ACAP2: variants seen among roughly 807,000 people sequenced by gnomAD.
ACAP2 encodes the protein ArfGAP with coiled-coil, ankyrin repeat and PH domains 2.
Under a neutral mutation model 115.8 loss-of-function variants are expected in ACAP2, and 39 were observed. The ratio of observed to expected loss-of-function variants is 0.34; its 90% CI spans 0.26 to 0.44. The LOEUF (loss-of-function observed/expected upper bound fraction) is 0.44. Ranked by LOEUF, ACAP2 falls within the 20% of genes least tolerant of loss-of-function variation. The pLI is 1.00. For missense variants in ACAP2, 662 were observed against 927.6 expected (o/e 0.71, Z 3.72); for synonymous variants, 289 against 315.8 (o/e 0.92, Z 0.90).
Position 195,345,285 on chromosome 3 carries a change from C to G in ACAP2, c.318G>C (p.Lys106Asn). Reference protein sequence around the residue: ...ILFDQTQRSIKAQLQNFVKED... With the variant: ...ILFDQTQRSINAQLQNFVKED... ...CTTTAACAAAGTTCTGAAGCTGTGC[C>G]TTAATTGATCTCTGAGTTTGGTCAA... The change falls in exon 5 of 23, where the codon AAG becomes AAC. Residue 106 changes from lysine (K) to asparagine (N), a missense_variant. Lys to Asn is a moderately conservative substitution (Grantham distance 94). Coordinates refer to ENST00000326793, the MANE Select transcript of ACAP2 (RefSeq NM_012287.6). 6.2e-7 allele frequency: 1 copy of G among 1,611,688 alleles called. No homozygotes were observed. Among genetic ancestry groups the G allele is most frequent in the East Asian group, 2.2e-5 (1 of 44,704 alleles).
At chr3:195,318,739 G>C (rs113316769) in intron 10 of ACAP2, among the ~76,000 whole-genome samples, 5 of 152,310 alleles carry the variant, frequency 3.3e-5, no homozygotes, top group African/African-American at 1.2e-4. Flanking sequence ...GTTTAAAAGG[G>C]AAGCAGAGCA....
chr3:195,305,675 C>T (rs993316866), intron 13 of ACAP2, among the ~76,000 whole-genome samples: 4 of 152,104 alleles, frequency 2.6e-5, no homozygotes, highest in Admixed American at 2.0e-4. Flanking sequence ...TAGAGACAGA[C>T]GTATTGAGGG....
intron 7 of ACAP2, 60 bp downstream of exon 7, chr3:195,336,872 A>C: frequency 7.4e-7 from 1 of 1,354,120 alleles, no homozygotes; most frequent in Non-Finnish European, 1.0e-6. Context: ...TCAACACCTA[A>C]ATACGTACAT....
At chr3:195,426,315 C>G (rs1018579946) in intron 1 of ACAP2, among the ~76,000 whole-genome samples, 2 of 152,162 alleles carry the variant, frequency 1.3e-5, no homozygotes, top group Non-Finnish European at 2.9e-5. Flanking sequence ...AACAGGAAGA[C>G]AGGCAAACAT....
At chr3:195,344,811 G>A (rs1250448787) in intron 5 of ACAP2, among the ~76,000 whole-genome samples, 1 of 152,098 alleles carries the variant, frequency 6.6e-6, no homozygotes, top group Non-Finnish European at 1.5e-5. Context: ...GAGCCACTGC[G>A]CCCCGGCCCA....
chr3:195,376,736 T>C (rs1733571733), intron 4 of ACAP2, among the ~76,000 whole-genome samples: 1 of 152,210 alleles, frequency 6.6e-6, no homozygotes, highest in Non-Finnish European at 1.5e-5. Context: ...ACGTGGCTAA[T>C]AACACAAATG....
At chr3:195,343,380 T>C (rs1730997342) in intron 5 of ACAP2, among the ~76,000 whole-genome samples, 1 of 152,112 alleles carries the variant, frequency 6.6e-6, no homozygotes, top group Admixed American at 6.5e-5. Flanking sequence ...TCGAGAAAAA[T>C]CCTAGAAATC....
chr3:195,345,875 G>T (rs1463330431), intron 4 of ACAP2, among the ~76,000 whole-genome samples: 1 of 152,112 alleles, frequency 6.6e-6, no homozygotes, highest in African/African-American at 2.4e-5. Flanking sequence ...ATAGTATTTT[G>T]CCCAACTTAA....
chr3:195,322,901 T>A (rs1729541686), intron 9 of ACAP2, among the ~76,000 whole-genome samples: 1 of 152,338 alleles, frequency 6.6e-6, no homozygotes, highest in South Asian at 2.1e-4. Context: ...GTACTTAAAA[T>A]GTGACAGATT....
At chr3:195,317,696 G>A (rs1729185971) in intron 10 of ACAP2, among the ~76,000 whole-genome samples, 1 of 152,052 alleles carries the variant, frequency 6.6e-6, no homozygotes, top group South Asian at 2.1e-4. Context: ...ATAAAAATTT[G>A]TTTAGCAACA....
At chr3:195,381,795 T>C in intron 3 of ACAP2, 108 bp downstream of exon 3, 6 of 1,326,004 alleles carry the variant, frequency 4.5e-6, no homozygotes, top group Non-Finnish European at 6.2e-6. Context: ...TTTCTACTTC[T>C]AATTTTAAGT....
At chr3:195,321,608 T>C (rs1729459176) in intron 9 of ACAP2, among the ~76,000 whole-genome samples, 1 of 109,648 alleles carries the variant, frequency 9.1e-6, no homozygotes. Flanking sequence ...CCATGGTAGT[T>C]CCTTTTTTTT....
intron 1 of ACAP2, among the ~76,000 whole-genome samples, chr3:195,434,796 T>C (rs1715407779): frequency 6.6e-6 from 1 of 152,266 alleles, no homozygotes; most frequent in South Asian, 2.1e-4. Flanking sequence ...TCAGATTTTC[T>C]GTTTCTTCTT....
chr3:195,291,894 G>T, intron 19 of ACAP2, 79 bp from the exon 20 acceptor site: 2 of 1,237,744 alleles, frequency 1.6e-6, no homozygotes, highest in Non-Finnish European at 2.2e-6. Context: ...AAAAACAATT[G>T]GTTTTCGTTA....
chr3:195,289,773 T>C (rs1464153095), intron 20 of ACAP2, among the ~76,000 whole-genome samples: 8 of 135,256 alleles, frequency 5.9e-5, no homozygotes, highest in Non-Finnish European at 1.2e-4. Flanking sequence ...ACCACTGCAC[T>C]CCAGCCTGGG....
chr3:195,301,683 C>A, intron 14 of ACAP2, 39 bp from the exon 15 acceptor site: 1 of 1,564,748 alleles, frequency 6.4e-7, no homozygotes, highest in South Asian at 1.2e-5. Context: ...TATCAAGTCT[C>A]TGTTTGCGTA....
At chr3:195,288,275 C>A (rs1311104742) in intron 21 of ACAP2, among the ~76,000 whole-genome samples, 2 of 152,182 alleles carry the variant, frequency 1.3e-5, no homozygotes, top group African/African-American at 4.8e-5. Flanking sequence ...GGCTTGGCTT[C>A]TTTTTCTATA....
At position 195,392,102 on chromosome 3, in the gene ACAP2, T is replaced by C; in HGVS notation, c.99A>G (p.Leu33=). The change falls in exon 2 of 23, where the codon CTA becomes CTG. Residue 33 remains leucine, a synonymous_variant. Transcript: ENST00000326793. ...EVEGDVAELE[L]KLDKLVKLCI... is the part of the protein sequence containing the mutation. ...TTGTAAAATTTACCTTATCAAGTTT[T>C]AGTTCCAATTCTGCCACATCACCTT... 4 of 1,612,722 alleles carry C rather than the reference T, an allele frequency of 2.5e-6. No individual in the cohort carries two copies. Among genetic ancestry groups the C allele is most frequent in the Non-Finnish European group, 2.5e-6 (3 of 1,179,462 alleles).
At chr3:195,303,290 T>A (rs1419407704) in intron 13 of ACAP2, among the ~76,000 whole-genome samples, 1 of 151,830 alleles carries the variant, frequency 6.6e-6, no homozygotes, top group Non-Finnish European at 1.5e-5. Context: ...ACACCTGTGG[T>A]CCCAGCTACT....
Sources: allele counts gnomAD v4.1 joint callset (sites outside exome capture counted in the v4.1 genomes callset), GRCh38; gene constraint gnomAD v4.1.1; transcripts MANE v1.5; gene names NCBI Gene and HGNC (gene_info 2026-07-23, HGNC 2026-07-21).